The following UTP20 variants were observed in gnomAD, a reference collection of about 807,000 sequenced individuals.
UTP20 encodes UTP20 small subunit processome component.
UTP20 carries 164 observed loss-of-function variants against 329.5 expected under a neutral mutation model. The ratio of observed to expected loss-of-function variants is 0.50; its 90% CI spans 0.44 to 0.57. The LOEUF (loss-of-function observed/expected upper bound fraction) is 0.57, where lower values mean the gene tolerates loss of function less well. UTP20 is among the 20% of genes least tolerant of loss of function. UTP20 has a pLI of 0.00. For synonymous variants in UTP20, 1,151 were observed against 1,159.3 expected (o/e 0.99, Z 0.14); for missense variants, 3,055 against 3,284.2 (o/e 0.93, Z 1.71).
At chr12:101,380,262 T>C (rs1383583878) in intron 57 of UTP20, among the ~76,000 whole-genome samples, 3 of 151,880 alleles carry the variant, frequency 2.0e-5, no homozygotes, top group African/African-American at 4.8e-5. Flanking sequence ...CCTGTAGTCC[T>C]AGCTACTTGG....
intron 38 of UTP20, among the ~76,000 whole-genome samples, chr12:101,348,716 T>G (rs1158224664): frequency 6.7e-6 from 1 of 150,100 alleles, no homozygotes; most frequent in Non-Finnish European, 1.5e-5. Flanking sequence ...TTCCTTTTTT[T>G]GTGTGTATGT....
chr12:101,385,832 C>T (rs565617804), intron 61 of UTP20, 104 bp downstream of exon 61: 274 of 1,497,238 alleles, frequency 1.8e-4, no homozygotes, highest in Non-Finnish European at 2.3e-4. Context: ...AGGGTTTGAG[C>T]GGTTGGGGAC....
In UTP20 at chr12:101,356,664, A is replaced by G; in HGVS notation, c.5505A>G (p.Pro1835=). 1 of 1,612,336 alleles carries G rather than the reference A, an allele frequency of 6.2e-7. No homozygotes were observed. The highest frequency in any genetic ancestry group is 8.5e-7 in the Non-Finnish European group (1 of 1,179,668). ...TGGTTAAACTAATGCAGTCCCTTCC[A>G]CAAGAAGTTATGGAAGCTAATCTGC... The part of the protein sequence containing the change: ...FAMVKLMQSL[P]QEVMEANLPS... The change falls in exon 42 of 62, where the codon CCA becomes CCG. Residue 1835 remains proline, a synonymous_variant. Coordinates refer to ENST00000261637, the MANE Select transcript of UTP20 (RefSeq NM_014503.3).
At position 101,362,008 on chromosome 12, in the gene UTP20, C is replaced by G; in HGVS notation, c.5738C>G (p.Thr1913Ser). The change falls in exon 44 of 62, where the codon ACC (threonine) becomes AGC (serine). Residue 1913 changes from threonine (T) to serine (S), a missense_variant. Coordinates refer to ENST00000261637, the MANE Select transcript of UTP20 (RefSeq NM_014503.3). ...GTTCACATGCTGCTGCAAGGCCTCA[C>G]CAATAAGCTGCAGGTCGGAGATTTG... ...FTVHMLLQGL[T>S]NKLQVGDLDS... The G allele has an allele frequency of 6.2e-7, 1 of 1,613,658 alleles. No homozygotes were observed. The highest frequency in any genetic ancestry group is 8.5e-7 in the Non-Finnish European group (1 of 1,179,758).
At chr12:101,343,565 C>A (rs1228395930) in intron 35 of UTP20, among the ~76,000 whole-genome samples, 1 of 152,106 alleles carries the variant, frequency 6.6e-6, no homozygotes. Context: ...GGCTAGAGTG[C>A]AGTGATGTGA....
chr12:101,344,777 A>G, intron 36 of UTP20, 27 bp downstream of exon 36: 1 of 1,606,212 alleles, frequency 6.2e-7, no homozygotes, highest in Non-Finnish European at 8.5e-7. Flanking sequence ...TTTAGGCACT[A>G]CTGTCTGAGG....
chr12:101,290,346 A>G (rs1382751138), intron 7 of UTP20, 72 bp downstream of exon 7: 8 of 1,505,072 alleles, frequency 5.3e-6, no homozygotes, highest in Middle Eastern at 1.8e-4. Context: ...AATGAGGCAA[A>G]TGATGTGGAG....
At chr12:101,345,765 G>T in intron 37 of UTP20, 71 bp downstream of exon 37, 1 of 1,372,980 alleles carries the variant, frequency 7.3e-7, no homozygotes, top group South Asian at 1.7e-5. Context: ...TACCTCATTT[G>T]GAAAGACATG....
chr12:101,368,604 G>GA (rs1870177565), intron 48 of UTP20, among the ~76,000 whole-genome samples: 1 of 152,084 alleles, frequency 6.6e-6, no homozygotes, highest in Non-Finnish European at 1.5e-5. Flanking sequence ...TCATGAGGGT[G>GA]AATGATTTTG....
At chr12:101,331,736 G>A (rs1868767767) in intron 27 of UTP20, among the ~76,000 whole-genome samples, 1 of 152,148 alleles carries the variant, frequency 6.6e-6, no homozygotes, top group Non-Finnish European at 1.5e-5. Context: ...GAGAGCATTT[G>A]TGTTGTCTTT....
intron 2 of UTP20, among the ~76,000 whole-genome samples, chr12:101,284,250 A>G (rs1272437660): frequency 4.0e-5 from 6 of 151,536 alleles, no homozygotes; most frequent in African/African-American, 1.5e-4. Context: ...CACTTCCTCC[A>G]CCCTCTAGTA....
At chr12:101,297,818 G>A (rs1019682832) in intron 12 of UTP20, among the ~76,000 whole-genome samples, 5 of 152,154 alleles carry the variant, frequency 3.3e-5, no homozygotes, top group Non-Finnish European at 5.9e-5. Context: ...GAGACTGGGC[G>A]TCAGACCTTC....
chr12:101,365,072 TTGTGTGTGTGTGTGTG>T (rs60890980), intron 45 of UTP20, among the ~76,000 whole-genome samples: 27 of 142,008 alleles, frequency 1.9e-4, no homozygotes, highest in South Asian at 1.1e-3. Context: ...ATTTTGTTGA[TTGTGTGTGTGTGTGTG>T]TGTGTGTGTG....
chr12:101,281,822 A>T (rs939955925), intron 2 of UTP20, among the ~76,000 whole-genome samples: 1 of 152,168 alleles, frequency 6.6e-6, no homozygotes, highest in South Asian at 2.1e-4. Flanking sequence ...CTCCTGCCTC[A>T]GCCTCCCGAG....
Position 101,291,975 on chromosome 12 carries a change from A to G in UTP20, c.1044A>G (p.Leu348=). 6.8e-6 allele frequency: 11 copies of G among 1,612,296 alleles called. No individual in the cohort carries two copies. Among genetic ancestry groups the G allele is most frequent in the Non-Finnish European group, 9.3e-6 (11 of 1,179,492 alleles). ...IPTPADVCKV[L]SQTLQVASLS... ...ATTGTTTTTTCTTTTTGCAGGTGTT[A>G]TCTCAAACACTGCAAGTAGCCAGTC... Residue 348 remains leucine, a synonymous_variant, in exon 10 of 62, where the codon TTA becomes TTG. Coordinates refer to ENST00000261637, the MANE Select transcript of UTP20 (RefSeq NM_014503.3).
intron 30 of UTP20, 68 bp from the exon 31 acceptor site, chr12:101,338,745 T>A: frequency 7.4e-7 from 1 of 1,349,224 alleles, no homozygotes; most frequent in Non-Finnish European, 9.9e-7. Flanking sequence ...CTTATCATCA[T>A]GAAGATTTTG....
intron 12 of UTP20, among the ~76,000 whole-genome samples, chr12:101,298,257 G>A (rs910067713): frequency 3.3e-5 from 5 of 152,184 alleles, no homozygotes; most frequent in Non-Finnish European, 1.5e-5. Context: ...GCAAATAAGC[G>A]AGATGATTTC....
At chr12:101,366,490 C>T (rs1215459899) in intron 46 of UTP20, 68 bp from the exon 47 acceptor site, 16 of 1,540,430 alleles carry the variant, frequency 1.0e-5, no homozygotes, top group Non-Finnish European at 1.2e-5. Context: ...TTTAGAAGGG[C>T]CACTCTAACT....
chr12:101,297,263 C>T (rs138238834), intron 12 of UTP20, among the ~76,000 whole-genome samples: 8 of 152,132 alleles, frequency 5.3e-5, no homozygotes, highest in Non-Finnish European at 7.4e-5. Context: ...TCACCCAGGC[C>T]GGAGTGCAGT....
Sources: gnomAD v4.1 joint callset for allele counts (sites outside exome capture counted in the v4.1 genomes callset) on GRCh38, gnomAD v4.1.1 for gene constraint, MANE v1.5 for transcripts, NCBI Gene and HGNC (gene_info 2026-07-23, HGNC 2026-07-21) for gene names.